The following FNDC3A variants were observed in gnomAD, a reference collection of about 807,000 sequenced individuals.
FNDC3A encodes fibronectin type-III domain-containing protein 3A.
FNDC3A carries 32 observed loss-of-function variants against 148.9 expected under a neutral mutation model. That is an observed-to-expected ratio of 0.21 (90% CI 0.16 to 0.29). The LOEUF is 0.29. Ranked by LOEUF, FNDC3A falls within the 10% of genes least tolerant of loss-of-function variation. The pLI, the probability that FNDC3A is intolerant of heterozygous loss-of-function variation, is 1.00. For synonymous variants in FNDC3A, 472 were observed against 473.6 expected (o/e 1.00, Z 0.04); for missense variants, 1,191 against 1,452.8 (o/e 0.82, Z 2.93).
At chr13:49,206,549 C>T (rs952641781) in intron 25 of FNDC3A, among the ~76,000 whole-genome samples, 2 of 152,102 alleles carry the variant, frequency 1.3e-5, no homozygotes, top group African/African-American at 4.8e-5. Flanking sequence ...AGAGGAGGTC[C>T]TATTTTCTGA....
In FNDC3A at chr13:49,044,180, C is replaced by G. The variant is rs963173996; in HGVS notation, c.100-31109C>G. ...TGGCAGGTAATTCATTCTCACTATT[C>G]TGACTCAAAGATACCAGGTTTTGGG... On this transcript the variant is annotated intron_variant, in intron 2 of 25. Transcript: ENST00000492622. The G allele has an allele frequency of 4.4e-5, 9 of 204,202 alleles. No homozygotes were observed. In the South Asian group the frequency reaches 7.9e-4, roughly 18 times the overall value. The allele number at this position is 204,202 out of a possible 1,614,324, so 12.6% of individuals were successfully genotyped here.
At chr13:49,107,514 G>A (rs1880273554) in intron 3 of FNDC3A, among the ~76,000 whole-genome samples, 1 of 152,164 alleles carries the variant, frequency 6.6e-6, no homozygotes, top group Admixed American at 6.5e-5. Flanking sequence ...CCAAGTCCAA[G>A]TGGAGGATCA....
At chr13:49,006,499 T>C (rs1341657359) in intron 2 of FNDC3A, among the ~76,000 whole-genome samples, 1 of 152,034 alleles carries the variant, frequency 6.6e-6, no homozygotes, top group Non-Finnish European at 1.5e-5. Context: ...AAATTTCTTA[T>C]GTGTATATTT....
intron 1 of FNDC3A, among the ~76,000 whole-genome samples, chr13:48,997,023 A>G (rs1401058046): frequency 6.6e-6 from 1 of 151,712 alleles, no homozygotes; most frequent in Non-Finnish European, 1.5e-5. Context: ...AGATCGCACC[A>G]TTGCACTCCA....
At chr13:49,049,289 C>T (rs1875647909) in intron 2 of FNDC3A, among the ~76,000 whole-genome samples, 1 of 151,926 alleles carries the variant, frequency 6.6e-6, no homozygotes, top group African/African-American at 2.4e-5. Context: ...TTCGTCCTTC[C>T]CTGGTTTTGG....
Position 49,114,712 on chromosome 13 carries a change from C to T in FNDC3A, c.233C>T (p.Pro78Leu). The T allele has an allele frequency of 6.2e-7, 1 of 1,611,080 alleles. No individual in the cohort carries two copies. Among genetic ancestry groups the T allele is most frequent in the South Asian group, 1.1e-5 (1 of 91,010 alleles). ...GGTTCTGTGCCTCCTATCTATGTGCCTCCTGGATATGCCCCACAGGTATGT... is the reference window on the plus strand; with the variant it reads ...GGTTCTGTGCCTCCTATCTATGTGCTTCCTGGATATGCCCCACAGGTATGT... ...PNGSVPPIYV[P>L]PGYAPQVIED... is the part of the protein sequence containing the mutation. Residue 78 changes from proline (P) to leucine (L), a missense_variant, in exon 4 of 26, where the codon CCT (proline) becomes CTT (leucine). Around this residue, in one of 3 missense-constraint regions of FNDC3A, gnomAD observed 426 missense variants for 473.2 expected, o/e 0.90. Transcript: ENST00000492622.
intron 1 of FNDC3A, among the ~76,000 whole-genome samples, chr13:48,997,909 A>G (rs1316624933): frequency 1.3e-5 from 2 of 151,908 alleles, no homozygotes; most frequent in South Asian, 4.2e-4. Context: ...TTAAAAAAAA[A>G]AAAAATGCTG....
chr13:49,122,496 C>T (rs561054371), intron 4 of FNDC3A, among the ~76,000 whole-genome samples: 1 of 152,164 alleles, frequency 6.6e-6, no homozygotes, highest in Admixed American at 6.5e-5. Flanking sequence ...GAGTTCTGGC[C>T]AGGCAGTCAG....
intron 2 of FNDC3A, among the ~76,000 whole-genome samples, chr13:49,059,710 G>A (rs1876520256): frequency 6.6e-6 from 1 of 152,172 alleles, no homozygotes; most frequent in African/African-American, 2.4e-5. Context: ...TCCCACCTCA[G>A]CCTCCCAAAG....
At chr13:49,187,045 T>C in intron 15 of FNDC3A, 77 bp from the exon 16 acceptor site, 2 of 1,049,136 alleles carry the variant, frequency 1.9e-6, no homozygotes, top group Non-Finnish European at 2.8e-6. Flanking sequence ...TAGTTTGGTA[T>C]TCTGTTTATT....
intron 8 of FNDC3A, among the ~76,000 whole-genome samples, chr13:49,152,648 C>A (rs1593666930): frequency 6.6e-6 from 1 of 151,838 alleles, no homozygotes; most frequent in East Asian, 1.9e-4. Context: ...AGGTATATCT[C>A]CCAATGCTAC....
intron 14 of FNDC3A, 38 bp from the exon 15 acceptor site, chr13:49,185,926 C>G: frequency 6.6e-7 from 1 of 1,525,176 alleles, no homozygotes; most frequent in South Asian, 1.1e-5. Flanking sequence ...CATTAGGTAT[C>G]AAGTGTATTA....
At chr13:49,097,309 A>C (rs1879588976) in intron 3 of FNDC3A, among the ~76,000 whole-genome samples, 1 of 151,740 alleles carries the variant, frequency 6.6e-6, no homozygotes, top group Non-Finnish European at 1.5e-5. Flanking sequence ...TTAGATGATT[A>C]GCAGTTAAAA....
intron 8 of FNDC3A, among the ~76,000 whole-genome samples, chr13:49,155,455 C>A (rs1883604653): frequency 6.8e-6 from 1 of 146,278 alleles, no homozygotes; most frequent in Non-Finnish European, 1.5e-5. Context: ...TTTTGTTGAT[C>A]CTTTCAAAAA....
intron 3 of FNDC3A, among the ~76,000 whole-genome samples, chr13:49,099,063 G>A (rs563761147): frequency 3.3e-5 from 5 of 152,188 alleles, no homozygotes; most frequent in African/African-American, 1.2e-4. Flanking sequence ...TATTAGTAAG[G>A]GGACCTTATA....
chr13:49,031,260 T>C (rs1874098674), intron 2 of FNDC3A, among the ~76,000 whole-genome samples: 1 of 152,046 alleles, frequency 6.6e-6, no homozygotes, highest in South Asian at 2.1e-4. Context: ...TGTGCACCTG[T>C]AATTCCAGCT....
intron 19 of FNDC3A, among the ~76,000 whole-genome samples, chr13:49,191,710 T>C (rs1470281820): frequency 6.6e-6 from 1 of 152,056 alleles, no homozygotes; most frequent in Non-Finnish European, 1.5e-5. Flanking sequence ...TACTGAAGTT[T>C]TTTGAGGCTG....
intron 3 of FNDC3A, among the ~76,000 whole-genome samples, chr13:49,087,967 A>G (rs369794814): frequency 1.3e-5 from 2 of 152,070 alleles, no homozygotes; most frequent in African/African-American, 4.8e-5. Flanking sequence ...TTGATTTCTC[A>G]GATATTTGCT....
chr13:49,053,118 T>G (rs2137717514), intron 2 of FNDC3A, among the ~76,000 whole-genome samples: 1 of 152,292 alleles, frequency 6.6e-6, no homozygotes. Flanking sequence ...AGCTAGTGAC[T>G]AGGGCTGAGT....
Sources: gnomAD v4.1 joint callset for allele counts (sites outside exome capture counted in the v4.1 genomes callset) on GRCh38, gnomAD v4.1.1 for gene constraint, gnomAD v4.1.1 regional missense constraint, MANE v1.5 for transcripts, NCBI Gene and HGNC (gene_info 2026-07-23, HGNC 2026-07-21) for gene names.